RUNX2: variants seen among roughly 807,000 people sequenced by gnomAD.
RUNX2 encodes RUNX family transcription factor 2.
A neutral mutation model predicts 51.7 loss-of-function variants in RUNX2; 10 were observed. The ratio of observed to expected loss-of-function variants is 0.19; its 90% CI spans 0.12 to 0.33. The LOEUF (loss-of-function observed/expected upper bound fraction) is 0.33. Ranked by LOEUF, RUNX2 falls within the 10% of genes least tolerant of loss-of-function variation. The pLI, the probability that RUNX2 is intolerant of heterozygous loss-of-function variation, is 1.00. For synonymous variants in RUNX2, 276 were observed against 273.6 expected (o/e 1.01, Z -0.09); for missense variants, 562 against 691.3 (o/e 0.81, Z 2.10).
Position 45,485,429 on chromosome 6 carries a change from C to T in RUNX2, c.686-6512C>T, listed in dbSNP as rs376135176. On this transcript the variant is annotated intron_variant, in intron 5 of 8. Transcript: ENST00000647337. ...GTTGGTCAGGCTGGTCTCGAACTCC[C>T]GACCTCAGGTGATCTGCTCGCCTCG... is the stretch of plus-strand genomic sequence containing the variant. 9.9e-5 allele frequency among the ~76,000 whole-genome samples: 15 copies of T among 151,352 alleles called. No homozygotes were observed. In the South Asian group the frequency reaches 1.3e-3, roughly 13 times the overall value.
chr6:45,422,774 G>GCGGCGGCT lies in RUNX2; in HGVS notation c.240_241insCGGCGGCT (p.Ala81ArgfsTer66). On this transcript the variant is annotated frameshift_variant, in exon 3 of 9. Coordinates refer to ENST00000647337, the MANE Select transcript of RUNX2 (RefSeq NM_001024630.4). LOFTEE classifies it high-confidence loss of function. ...AGGCGGCGGCGGCGGCTGCGGCGGCGGCGGCGGCTGCGGCGGCGGCAGCTG... is the reference window on the plus strand; with the variant it reads ...AGGCGGCGGCGGCGGCTGCGGCGGCGCGGCGGCTGCGGCGGCTGCGGCGGCGGCAGCTG... The GCGGCGGCT allele has an allele frequency of 1.3e-6, 2 of 1,488,196 alleles. No individual in the cohort carries two copies. The highest frequency in any genetic ancestry group is 1.3e-5 in the South Asian group (1 of 74,840). 92.2% of individuals were successfully genotyped at this position (1,488,196 alleles called of 1,614,324 possible).
At chr6:45,400,362 T>A (rs1460820222) in intron 2 of RUNX2, among the ~76,000 whole-genome samples, 1 of 152,192 alleles carries the variant, frequency 6.6e-6, no homozygotes, top group African/African-American at 2.4e-5. Context: ...CCTGTCTAAC[T>A]TCTTCCTTCC....
intron 2 of RUNX2, among the ~76,000 whole-genome samples, chr6:45,377,067 G>A (rs1258289865): frequency 6.6e-6 from 1 of 151,834 alleles, no homozygotes; most frequent in African/African-American, 2.4e-5. Flanking sequence ...TCACGTGTGA[G>A]ACCAAGTGTC....
At chr6:45,524,403 C>G (rs564840810) in intron 7 of RUNX2, among the ~76,000 whole-genome samples, 5 of 152,060 alleles carry the variant, frequency 3.3e-5, no homozygotes, top group Non-Finnish European at 7.3e-5. Context: ...AACTATGCAG[C>G]GAAGCATGGG....
At chr6:45,527,194 C>T (rs1801696754) in intron 7 of RUNX2, among the ~76,000 whole-genome samples, 1 of 152,106 alleles carries the variant, frequency 6.6e-6, no homozygotes, top group African/African-American at 2.4e-5. Flanking sequence ...GAGAAGAATG[C>T]TCAGTGGCTG....
chr6:45,548,256 G>C lies in RUNX2; in HGVS notation c.*951G>C, dbSNP rs1338621551. On this transcript the variant is annotated 3_prime_UTR_variant, in exon 9 of 9. Transcript: ENST00000647337. ...CCCTTGAAACATTTCTTAGTGTATTGATATGTTGACTTCGGTCTCTAAAAG... is the reference window on the plus strand; with the variant it reads ...CCCTTGAAACATTTCTTAGTGTATTCATATGTTGACTTCGGTCTCTAAAAG... 1 of 152,484 alleles carries C rather than the reference G, an allele frequency of 6.6e-6. No homozygotes were observed. The highest frequency in any genetic ancestry group is 1.5e-5 in the Non-Finnish European group (1 of 68,006). 9.4% of individuals were successfully genotyped at this position (152,484 alleles called of 1,614,324 possible). A position where few individuals can be genotyped will look rare whatever the true frequency, so the allele number is the denominator to read the frequency against.
chr6:45,386,038 G>T (rs149914722), intron 2 of RUNX2, among the ~76,000 whole-genome samples: 4 of 150,494 alleles, frequency 2.7e-5, no homozygotes, highest in African/African-American at 9.8e-5. Flanking sequence ...GTCTTTGAGG[G>T]CTTACTGCCC....
intron 7 of RUNX2, among the ~76,000 whole-genome samples, chr6:45,529,980 G>T (rs1423226806): frequency 1.3e-5 from 2 of 152,180 alleles, no homozygotes; most frequent in African/African-American, 2.4e-5. Flanking sequence ...CACCGCACAG[G>T]TGGGTTAGGA....
Position 45,438,004 on chromosome 6 carries a change from A to C in RUNX2, c.638A>C (p.Tyr213Ser), listed in dbSNP as rs138138469. Reference sequence around the variant, plus strand: ...ACAAATCCTCCCCAAGTAGCTACCTATCACAGAGCAATTAAAGTTACAGTA... The same window carrying C: ...ACAAATCCTCCCCAAGTAGCTACCTCTCACAGAGCAATTAAAGTTACAGTA... ...VFTNPPQVAT[Y>S]HRAIKVTVDG... The change falls in exon 5 of 9, where the codon TAT becomes TCT. Residue 213 changes from tyrosine (Y) to serine (S), a missense_variant. By Grantham distance (144) the Tyr-to-Ser change is moderately radical (BLOSUM62 -2). Around this residue, in one of 5 missense-constraint regions of RUNX2, gnomAD observed 37 missense variants for 66.5 expected, o/e 0.56. Coordinates refer to ENST00000647337, the MANE Select transcript of RUNX2 (RefSeq NM_001024630.4). The C allele has an allele frequency of 6.2e-7, 1 of 1,613,374 alleles. No individual in the cohort carries two copies. Among genetic ancestry groups the C allele is most frequent in the Non-Finnish European group, 8.5e-7 (1 of 1,179,526 alleles).
intron 5 of RUNX2, among the ~76,000 whole-genome samples, chr6:45,484,309 G>A (rs1800205130): frequency 6.6e-6 from 1 of 152,106 alleles, no homozygotes; most frequent in South Asian, 2.1e-4. Flanking sequence ...GAGTCTGAGA[G>A]ACTAGAAAAT....
At chr6:45,533,884 G>A (rs937147186) in intron 7 of RUNX2, among the ~76,000 whole-genome samples, 8 of 140,148 alleles carry the variant, frequency 5.7e-5, no homozygotes, top group African/African-American at 1.1e-4. Flanking sequence ...TTCCCCTGTT[G>A]AGACTTTTTT....
chr6:45,520,131 C>T (rs996633725), intron 7 of RUNX2, among the ~76,000 whole-genome samples: 1 of 152,004 alleles, frequency 6.6e-6, no homozygotes, highest in African/African-American at 2.4e-5. Flanking sequence ...TGCACCCGAC[C>T]GGATGCTATT....
intron 5 of RUNX2, among the ~76,000 whole-genome samples, chr6:45,490,351 C>T (rs1399630951): frequency 6.6e-6 from 1 of 152,098 alleles, no homozygotes; most frequent in Non-Finnish European, 1.5e-5. Flanking sequence ...TAGCAGATGC[C>T]CAAAAACTTG....
rs372340475 is a variant in RUNX2, at chr6:45,328,383, G to T, written c.-144G>T. ...CAAGTGCGGTGCAAACTTTCTCCAG[G>T]AGGACAGCAAGAAGTCTCTGGTTTT... On this transcript the variant is annotated 5_prime_UTR_variant, in exon 1 of 9. Transcript: ENST00000647337. 7.2e-7 allele frequency: 1 copy of T among 1,394,760 alleles called. No individual in the cohort carries two copies. Among genetic ancestry groups the T allele is most frequent in the African/African-American group, 1.4e-5 (1 of 68,984 alleles). The allele number at this position is 1,394,760 out of a possible 1,614,324, so 86.4% of individuals were successfully genotyped here. A position where few individuals can be genotyped will look rare whatever the true frequency, so the allele number is the denominator to read the frequency against.
chr6:45,496,325 A>G (rs916913930), intron 6 of RUNX2, among the ~76,000 whole-genome samples: 5 of 152,140 alleles, frequency 3.3e-5, no homozygotes, highest in East Asian at 3.9e-4. Context: ...TTCAAAAAAT[A>G]CTTAATGAGT....
intron 2 of RUNX2, among the ~76,000 whole-genome samples, chr6:45,400,813 CA>C (rs1222495261): frequency 6.6e-6 from 1 of 152,166 alleles, no homozygotes; most frequent in East Asian, 1.9e-4. Flanking sequence ...TGCTGCAAAA[CA>C]AACAACGTAA....
chr6:45,499,592 C>T (rs1206074870), intron 6 of RUNX2, among the ~76,000 whole-genome samples: 3 of 152,174 alleles, frequency 2.0e-5, no homozygotes, highest in Non-Finnish European at 4.4e-5. Context: ...TTGGCATTCC[C>T]TTATTAACTG....
At chr6:45,412,386 C>A (rs934926267) in intron 2 of RUNX2, among the ~76,000 whole-genome samples, 8 of 150,948 alleles carry the variant, frequency 5.3e-5, no homozygotes, top group African/African-American at 1.2e-4. Context: ...CAAAACCCCC[C>A]AAAAAAAAGA....
intron 2 of RUNX2, among the ~76,000 whole-genome samples, chr6:45,389,101 C>G (rs1212696666): frequency 6.6e-6 from 1 of 152,288 alleles, no homozygotes; most frequent in African/African-American, 2.4e-5. Flanking sequence ...TGTCTTGCAG[C>G]AAGTGCTAAT....
Sources: allele counts gnomAD v4.1 joint callset (sites outside exome capture counted in the v4.1 genomes callset), GRCh38; gene constraint gnomAD v4.1.1; regional missense constraint gnomAD v4.1.1; transcripts MANE v1.5; gene names NCBI Gene and HGNC (gene_info 2026-07-23, HGNC 2026-07-21).